LAMA1: variants seen among roughly 807,000 people sequenced by gnomAD.
The protein encoded by LAMA1 is laminin subunit alpha-1.
A neutral mutation model predicts 348.7 loss-of-function variants in LAMA1; 219 were observed. The ratio of observed to expected loss-of-function variants is 0.63; its 90% CI spans 0.56 to 0.70. The LOEUF is 0.70. LAMA1 is among the 30% of genes least tolerant of loss of function. The pLI is 0.00. For missense variants in LAMA1, 3,744 were observed against 3,888.0 expected (o/e 0.96, Z 0.99); for synonymous variants, 1,487 against 1,491.0 (o/e 1.00, Z 0.06).
chr18:7,017,473 T>A, intron 19 of LAMA1, 89 bp from the exon 20 acceptor site: 1 of 857,754 alleles, frequency 1.2e-6, no homozygotes, highest in Non-Finnish European at 1.9e-6. Flanking sequence ...AAAAAAAATG[T>A]AAACTTTCAA....
chr18:7,108,638 C>A (rs1252811905), intron 1 of LAMA1, among the ~76,000 whole-genome samples: 1 of 21,156 alleles, frequency 4.7e-5, no homozygotes, highest in Non-Finnish European at 6.5e-5. Flanking sequence ...CAGACTCTGT[C>A]TCAAAAAAAA....
intron 16 of LAMA1, among the ~76,000 whole-genome samples, chr18:7,027,548 C>A (rs867517754): frequency 7.4e-4 from 105 of 141,054 alleles, no homozygotes; most frequent in East Asian, 2.6e-3. Flanking sequence ...ACAACAACAA[C>A]AAAAAAAAGC....
chr18:6,958,661 T>C lies in LAMA1; in HGVS notation c.7780A>G (p.Ile2594Val), dbSNP rs773363402. The change falls in exon 55 of 63, where the codon ATT (isoleucine) becomes GTT (valine). Residue 2594 changes from isoleucine (I) to valine (V), a missense_variant and splice_region_variant. Physicochemically the swap from Ile to Val is conservative, Grantham distance 29 (BLOSUM62 3). Coordinates refer to ENST00000389658, the MANE Select transcript of LAMA1 (RefSeq NM_005559.4). Reference protein sequence around the residue: ...HSISLVRNRRIITVQLDENNP... With the variant: ...HSISLVRNRRVITVQLDENNP... The stretch of plus-strand genomic sequence containing the variant: ...TTCTCATCCAATTGGACAGTGATAA[T>C]TCTAAAAGACCAATGGAGAAAATAA... 1 of 1,612,364 alleles carries C rather than the reference T, an allele frequency of 6.2e-7. No individual in the cohort carries two copies. The highest frequency in any genetic ancestry group is 1.1e-5 in the South Asian group (1 of 91,046).
At chr18:6,967,562 C>T (rs115435910) in intron 48 of LAMA1, among the ~76,000 whole-genome samples, 4,617 of 152,236 alleles carry the variant, frequency 0.03, 244 homozygotes, top group African/African-American at 0.11. Flanking sequence ...GAGGGCTGCC[C>T]CAGGCAGTTC....
chr18:7,030,822 T>C (rs1000604354), intron 16 of LAMA1, among the ~76,000 whole-genome samples: 4 of 151,958 alleles, frequency 2.6e-5, no homozygotes, highest in African/African-American at 9.7e-5. Flanking sequence ...AACCACAGCC[T>C]GCTGTACCCC....
At chr18:7,097,847 C>G (rs963014609) in intron 1 of LAMA1, among the ~76,000 whole-genome samples, 1 of 151,252 alleles carries the variant, frequency 6.6e-6, no homozygotes, top group Non-Finnish European at 1.5e-5. Flanking sequence ...CTCCCCTCTC[C>G]CCTCTCCCCT....
rs146581354 is a variant in LAMA1, at chr18:7,102,315, T to C, written c.61+15345A>G. 4.1e-3 allele frequency among the ~76,000 whole-genome samples: 617 copies of C among 152,268 alleles called. 8 individuals are homozygous for C. Among genetic ancestry groups the C allele is most frequent in the African/African-American group, 0.014 (582 of 41,540 alleles). On this transcript the variant is annotated intron_variant, in intron 1 of 62. Coordinates refer to ENST00000389658, the MANE Select transcript of LAMA1 (RefSeq NM_005559.4). ...ACATAAATTCTGTATGCCTTTGTTCTGTTCCTGAGAGGAGGAGGAAGTCTT... is the reference window on the plus strand; with the variant it reads ...ACATAAATTCTGTATGCCTTTGTTCCGTTCCTGAGAGGAGGAGGAAGTCTT...
intron 50 of LAMA1, among the ~76,000 whole-genome samples, 170 bp downstream of exon 50, chr18:6,965,118 C>A (rs1342446878): frequency 6.6e-6 from 1 of 152,170 alleles, no homozygotes; most frequent in African/African-American, 2.4e-5. Context: ...AACCCTCCTC[C>A]AGCAAAATGT....
At chr18:7,096,805 T>C (rs963799393) in intron 1 of LAMA1, among the ~76,000 whole-genome samples, 5 of 152,210 alleles carry the variant, frequency 3.3e-5, no homozygotes, top group Non-Finnish European at 7.3e-5. Flanking sequence ...AAAGCAACCA[T>C]TTCAGGACTC....
intron 10 of LAMA1, among the ~76,000 whole-genome samples, chr18:7,039,208 A>T (rs2058009927): frequency 6.6e-6 from 1 of 151,994 alleles, no homozygotes; most frequent in African/African-American, 2.4e-5. Context: ...TTTGTTTTAA[A>T]TTTTTCATTT....
In LAMA1 at chr18:7,077,358, C is replaced by T. The variant is rs1014972414; in HGVS notation, c.345+2617G>A. Among the ~76,000 whole-genome samples the T allele has an allele frequency of 4.6e-5, 7 of 151,924 alleles. No homozygotes were observed. In the South Asian group the frequency reaches 8.3e-4, roughly 18 times the overall value. ...CTGGGACTACAGGTGCCCACCACCA[C>T]GCCTGGCTCATTTTTTTGTATCTTT... On this transcript the variant is annotated intron_variant, in intron 3 of 62. Transcript: ENST00000389658.
At chr18:6,977,981 C>G in intron 43 of LAMA1, 100 bp from the exon 44 acceptor site, 1 of 1,366,776 alleles carries the variant, frequency 7.3e-7, no homozygotes, top group Non-Finnish European at 1.0e-6. Flanking sequence ...AAAACAACAC[C>G]CTAACAATCA....
chr18:7,088,373 C>T (rs758168467), intron 1 of LAMA1, among the ~76,000 whole-genome samples: 2 of 151,914 alleles, frequency 1.3e-5, no homozygotes, highest in African/African-American at 4.8e-5. Flanking sequence ...TCACGTAAGC[C>T]GAGAAGGGAA....
chr18:7,080,460 G>C lies in LAMA1; in HGVS notation c.62-3C>G. 1 of 1,614,084 alleles carries C rather than the reference G, an allele frequency of 6.2e-7. No homozygotes were observed. Among genetic ancestry groups the C allele is most frequent in the South Asian group, 1.1e-5 (1 of 91,064 alleles). ...ATTGAGAATGGCAGGAAACAGGCCT[G>C]AAAGTGAAAATTTACCAAATCAGCT... On this transcript the variant is annotated splice_region_variant and splice_polypyrimidine_tract_variant and intron_variant, in intron 1 of 62. Transcript: ENST00000389658.
At chr18:7,026,333 A>C (rs1168920351) in intron 16 of LAMA1, among the ~76,000 whole-genome samples, 1 of 152,212 alleles carries the variant, frequency 6.6e-6, no homozygotes, top group Non-Finnish European at 1.5e-5. Flanking sequence ...ATGAGCATGG[A>C]CAAGGGCAGG....
At chr18:7,040,870 C>T (rs1366230096) in intron 9 of LAMA1, among the ~76,000 whole-genome samples, 1 of 152,128 alleles carries the variant, frequency 6.6e-6, no homozygotes, top group Non-Finnish European at 1.5e-5. Context: ...AAACATTATA[C>T]TAAATGAAAG....
chr18:7,097,434 TAGAC>T (rs1315580202), intron 1 of LAMA1, among the ~76,000 whole-genome samples: 2 of 151,974 alleles, frequency 1.3e-5, no homozygotes, highest in African/African-American at 2.4e-5. Flanking sequence ...TCAATATTGT[TAGAC>T]AGCAATTCTC....
chr18:6,978,543 G>A (rs1305350662), intron 42 of LAMA1, among the ~76,000 whole-genome samples, 165 bp from the exon 43 acceptor site: 1 of 152,012 alleles, frequency 6.6e-6, no homozygotes, highest in Non-Finnish European at 1.5e-5. Flanking sequence ...TTTGGGCAGT[G>A]GTCAATGAAC....
At chr18:7,016,442 A>T (rs759913213) in intron 21 of LAMA1, 49 bp downstream of exon 21, 1 of 1,604,938 alleles carries the variant, frequency 6.2e-7, no homozygotes, top group Non-Finnish European at 8.5e-7. Context: ...GGCCCAAGGA[A>T]AGCTCTGGGA....
Sources: allele counts gnomAD v4.1 joint callset (sites outside exome capture counted in the v4.1 genomes callset), GRCh38; gene constraint gnomAD v4.1.1; transcripts MANE v1.5; gene names NCBI Gene and HGNC (gene_info 2026-07-23, HGNC 2026-07-21).